Variants in MSRB3 observed in about 807,000 individuals in gnomAD.
The protein encoded by MSRB3 is methionine sulfoxide reductase B3.
In MSRB3, 13 loss-of-function variants were observed where a neutral mutation model predicts 21.0. The observed-to-expected ratio is 0.62, with a 90% CI of 0.40 to 0.98. MSRB3 has a LOEUF of 0.98. Ranked by LOEUF, MSRB3 falls within the 50% of genes least tolerant of loss-of-function variation. The pLI is 0.00. For missense variants in MSRB3, 199 were observed against 230.3 expected, an observed-to-expected ratio of 0.86 and a Z score of 0.88; for synonymous variants, 87 against 88.6, an observed-to-expected ratio of 0.98 and a Z score of 0.10.
chr12:65,423,346 A>G (rs887281921), intron 5 of MSRB3, among the ~76,000 whole-genome samples: 4 of 152,046 alleles, frequency 2.6e-5, no homozygotes, highest in Non-Finnish European at 5.9e-5. Flanking sequence ...TTTATTTTTC[A>G]TCTTTTTGCC....
At chr12:65,332,609 C>T (rs1291208736) in intron 4 of MSRB3, among the ~76,000 whole-genome samples, 2 of 152,106 alleles carry the variant, frequency 1.3e-5, no homozygotes, top group African/African-American at 4.8e-5. Context: ...ACGTTGTGCA[C>T]ATGTACCCCA....
At chr12:65,437,319 G>C (rs1882164924) in intron 5 of MSRB3, among the ~76,000 whole-genome samples, 1 of 151,814 alleles carries the variant, frequency 6.6e-6, no homozygotes, top group Non-Finnish European at 1.5e-5. Context: ...CTTGCTCCCG[G>C]AGACTAAGAA....
intron 5 of MSRB3, among the ~76,000 whole-genome samples, chr12:65,414,063 G>C (rs1880850948): frequency 6.6e-6 from 1 of 152,106 alleles, no homozygotes; most frequent in African/African-American, 2.4e-5. Flanking sequence ...AGGAAATGAA[G>C]GTCAGGTCCT....
chr12:65,457,847 TAA>T (rs1380021126), intron 6 of MSRB3, among the ~76,000 whole-genome samples: 1 of 152,054 alleles, frequency 6.6e-6, no homozygotes, highest in African/African-American at 2.4e-5. Flanking sequence ...TCCCATTTTT[TAA>T]GAGTTTTATT....
intron 5 of MSRB3, among the ~76,000 whole-genome samples, chr12:65,438,964 C>A (rs976947686): frequency 1.8e-4 from 28 of 151,786 alleles, no homozygotes; most frequent in African/African-American, 6.5e-4. Context: ...ATAGGTATGT[C>A]TCTTGTTAAG....
At chr12:65,316,782 A>T (rs967538871) in intron 2 of MSRB3, among the ~76,000 whole-genome samples, 1 of 152,142 alleles carries the variant, frequency 6.6e-6, no homozygotes, top group African/African-American at 2.4e-5. Context: ...TTGTTTTACC[A>T]TTGAGGCAGG....
intron 5 of MSRB3, among the ~76,000 whole-genome samples, chr12:65,435,660 A>G (rs1882082074): frequency 6.6e-6 from 1 of 151,926 alleles, no homozygotes; most frequent in Non-Finnish European, 1.5e-5. Flanking sequence ...AGCACTTTGA[A>G]AGATTTTGAT....
intron 4 of MSRB3, among the ~76,000 whole-genome samples, chr12:65,353,653 C>A (rs1246094458): frequency 6.6e-6 from 1 of 152,054 alleles, no homozygotes; most frequent in Non-Finnish European, 1.5e-5. Flanking sequence ...GAATACAGCA[C>A]CCTGATGGGT....
intron 4 of MSRB3, among the ~76,000 whole-genome samples, chr12:65,363,694 A>C (rs1877839206): frequency 6.6e-6 from 1 of 152,118 alleles, no homozygotes; most frequent in African/African-American, 2.4e-5. Context: ...AAAAAAAAAT[A>C]ACAGCTTGGG....
At chr12:65,419,189 T>C (rs1021720267) in intron 5 of MSRB3, 7 of 702,074 alleles carry the variant, frequency 1.0e-5, no homozygotes, top group African/African-American at 8.7e-5. Flanking sequence ...ACTGTGGTAC[T>C]CTCCTTAATC....
chr12:65,426,760 C>T (rs760892051), intron 5 of MSRB3, among the ~76,000 whole-genome samples: 19 of 151,996 alleles, frequency 1.3e-4, no homozygotes, highest in Non-Finnish European at 2.8e-4. Context: ...TTCTCTCTGA[C>T]TGTATTTTTT....
intron 5 of MSRB3, among the ~76,000 whole-genome samples, chr12:65,410,422 G>A (rs1041793747): frequency 9.2e-5 from 14 of 152,086 alleles, no homozygotes; most frequent in Admixed American, 2.6e-4. Flanking sequence ...TTGGGAGGCC[G>A]AGGCAGGCGG....
intron 4 of MSRB3, among the ~76,000 whole-genome samples, chr12:65,359,042 A>G (rs561658447): frequency 6.6e-5 from 10 of 152,006 alleles, no homozygotes; most frequent in African/African-American, 2.2e-4. Context: ...TATTGTCTAA[A>G]TAGTATTACC....
At chr12:65,376,550 A>G (rs148641260) in intron 5 of MSRB3, among the ~76,000 whole-genome samples, 2 of 152,302 alleles carry the variant, frequency 1.3e-5, no homozygotes, top group Non-Finnish European at 2.9e-5. Context: ...CAATGCTCAT[A>G]GAAATGAAGG....
intron 4 of MSRB3, among the ~76,000 whole-genome samples, chr12:65,340,660 A>C (rs1876077914): frequency 6.6e-6 from 1 of 152,186 alleles, no homozygotes; most frequent in Non-Finnish European, 1.5e-5. Context: ...CTTTGAAAAG[A>C]CCAATAAAGT....
chr12:65,368,980 C>A lies in MSRB3; in HGVS notation c.264-18C>A. On this transcript the variant is annotated intron_variant, in intron 4 of 6. Coordinates refer to ENST00000308259, the MANE Select transcript of MSRB3 (RefSeq NM_001031679.3). The stretch of plus-strand genomic sequence containing the variant: ...ACAAACAGTTTTTATATTGTAAAAA[C>A]TTTCTTTCTCTTTGCAGGTCAGAAA... The A allele has an allele frequency of 8.7e-7, 1 of 1,145,938 alleles. No homozygotes were observed. The highest frequency in any genetic ancestry group is 1.2e-6 in the Non-Finnish European group (1 of 841,144). The allele number at this position is 1,145,938 out of a possible 1,614,324, so 71.0% of individuals were successfully genotyped here. A position where few individuals can be genotyped will look rare whatever the true frequency, so the allele number is the denominator to read the frequency against.
At chr12:65,280,137 T>C (rs187454290) in intron 1 of MSRB3, among the ~76,000 whole-genome samples, 40 of 152,362 alleles carry the variant, frequency 2.6e-4, no homozygotes, top group Non-Finnish European at 4.7e-4. Context: ...TCAGGGTTCA[T>C]ATAACTTATA....
chr12:65,373,920 A>G (rs1213259855), intron 5 of MSRB3, among the ~76,000 whole-genome samples: 4 of 152,214 alleles, frequency 2.6e-5, no homozygotes, highest in Non-Finnish European at 2.9e-5. Flanking sequence ...GAACACAATC[A>G]GTTAAAGCTT....
chr12:65,325,793 T>C (rs17224770), intron 2 of MSRB3, among the ~76,000 whole-genome samples: 2,139 of 152,312 alleles, frequency 0.014, 42 homozygotes, highest in East Asian at 0.055. Context: ...TTTCCCACTG[T>C]GATGGATGGC....
Sources: allele counts gnomAD v4.1 joint callset (sites outside exome capture counted in the v4.1 genomes callset), GRCh38; gene constraint gnomAD v4.1.1; transcripts MANE v1.5; gene names NCBI Gene and HGNC (gene_info 2026-07-23, HGNC 2026-07-21).